Variants in SLC5A12 observed in about 807,000 individuals in gnomAD.
SLC5A12 encodes sodium-coupled monocarboxylate transporter 2.
Under a neutral mutation model 72.7 loss-of-function variants are expected in SLC5A12, and 46 were observed. That is an observed-to-expected ratio of 0.63 (90% confidence interval 0.50 to 0.81). The LOEUF is 0.81. Ranked by LOEUF, SLC5A12 falls within the 30% of genes least tolerant of loss-of-function variation. SLC5A12 has a pLI of 0.00. For missense variants in SLC5A12, 683 were observed against 740.7 expected (o/e 0.92, Z 0.90); for synonymous variants, 275 against 264.4 (o/e 1.04, Z -0.39).
intron 12 of SLC5A12, among the ~76,000 whole-genome samples, chr11:26,679,985 T>C (rs1854353662): frequency 6.6e-6 from 1 of 151,868 alleles, no homozygotes; most frequent in Non-Finnish European, 1.5e-5. Context: ...TTCTGGACTT[T>C]GTAAAGACAA....
Position 26,721,671 on chromosome 11 carries a change from G to C in SLC5A12, c.44C>G (p.Ala15Gly). 1 of 1,614,124 alleles carries C rather than the reference G, an allele frequency of 6.2e-7. No individual in the cohort carries two copies. The highest frequency in any genetic ancestry group is 8.5e-7 in the Non-Finnish European group (1 of 1,180,004). The change falls in exon 1 of 15, where the codon GCA (alanine) becomes GGA (glycine). Residue 15 changes from alanine (A) to glycine (G), a missense_variant. Transcript: ENST00000396005. ...NFAVWDYVVF[A>G]ALFFISSGIG... ...TCCAGAGGAAATGAAAAAGAGGGCT[G>C]CAAATACAACATAATCCCAAACTGC...
chr11:26,705,960 ACACACACAC>A (rs1173082388), intron 4 of SLC5A12, among the ~76,000 whole-genome samples: 1 of 150,234 alleles, frequency 6.7e-6, no homozygotes, highest in Non-Finnish European at 1.5e-5. Context: ...ACACACACAC[ACACACACAC>A]ACACACACAC....
At chr11:26,677,167 T>C (rs1393426950) in intron 13 of SLC5A12, among the ~76,000 whole-genome samples, 1 of 152,182 alleles carries the variant, frequency 6.6e-6, no homozygotes, top group African/African-American at 2.4e-5. Flanking sequence ...CAAAAATTTT[T>C]CCAAATGTTT....
At chr11:26,686,638 AGCCCTTT>A (rs1854542259) in intron 9 of SLC5A12, 94 bp from the exon 10 acceptor site, 1 of 1,108,910 alleles carries the variant, frequency 9.0e-7, no homozygotes, top group East Asian at 2.5e-5. Context: ...CTCTGATCCA[AGCCCTTT>A]GCAAAGGGAT....
chr11:26,670,619 A>G lies in SLC5A12; in HGVS notation c.*483T>C, dbSNP rs6484241. The G allele has an allele frequency of 0.28, 43,132 of 151,998 alleles. 6,304 individuals carry two copies. Among genetic ancestry groups the G allele is most frequent in the East Asian group, 0.47 (2,390 of 5,134 alleles). The allele number at this position is 151,998 out of a possible 1,614,324, so 9.4% of individuals were successfully genotyped here. A position where few individuals can be genotyped will look rare whatever the true frequency, so the allele number is the denominator to read the frequency against. The stretch of plus-strand genomic sequence containing the variant: ...ATGGGAGATGGGTGGCATAAAATAT[A>G]TCTACATGTATGTCAGGTATGAGGT... On this transcript the variant is annotated 3_prime_UTR_variant, in exon 15 of 15. Coordinates refer to ENST00000396005, the MANE Select transcript of SLC5A12 (RefSeq NM_178498.4).
chr11:26,709,861 T>C (rs953847261), intron 3 of SLC5A12, among the ~76,000 whole-genome samples: 6 of 151,712 alleles, frequency 4.0e-5, no homozygotes, highest in African/African-American at 1.2e-4. Flanking sequence ...TGAACAAAAA[T>C]TGAGTTTTAA....
At chr11:26,713,239 C>G (rs539916013) in intron 1 of SLC5A12, among the ~76,000 whole-genome samples, 20 of 152,212 alleles carry the variant, frequency 1.3e-4, no homozygotes, top group Non-Finnish European at 2.4e-4. Flanking sequence ...AAGTGCAGAT[C>G]CCAAGCTTGA....
chr11:26,718,607 T>C (rs1361751701), intron 1 of SLC5A12, among the ~76,000 whole-genome samples: 1 of 150,282 alleles, frequency 6.7e-6, no homozygotes, highest in Admixed American at 6.7e-5. Context: ...TGCGCCACCA[T>C]GCCTGGCTAA....
chr11:26,687,427 T>A (rs1417510050), intron 9 of SLC5A12, among the ~76,000 whole-genome samples: 1 of 152,176 alleles, frequency 6.6e-6, no homozygotes, highest in Non-Finnish European at 1.5e-5. Context: ...CAGCTACATA[T>A]CCAACCCAGT....
At chr11:26,704,887 A>G (rs1051987066) in intron 4 of SLC5A12, among the ~76,000 whole-genome samples, 4 of 152,108 alleles carry the variant, frequency 2.6e-5, no homozygotes, top group African/African-American at 9.7e-5. Context: ...CAAACAAAGA[A>G]CTAGGAAGGA....
intron 12 of SLC5A12, among the ~76,000 whole-genome samples, chr11:26,679,816 A>C (rs1854349468): frequency 1.3e-5 from 2 of 152,174 alleles, no homozygotes; most frequent in Non-Finnish European, 2.9e-5. Context: ...CCATAAGCAC[A>C]TGAATCATTT....
intron 8 of SLC5A12, among the ~76,000 whole-genome samples, chr11:26,696,919 C>A (rs1271478330): frequency 1.3e-5 from 2 of 152,166 alleles, no homozygotes; most frequent in Non-Finnish European, 2.9e-5. Context: ...CCAGCCCCTG[C>A]AGTTTACTAA....
Position 26,669,602 on chromosome 11 carries a change from G to T in SLC5A12, c.*1500C>A, listed in dbSNP as rs1854093064. On this transcript the variant is annotated 3_prime_UTR_variant, in exon 15 of 15. Transcript: ENST00000396005. The stretch of plus-strand genomic sequence containing the variant: ...TTTGAGTGGAGGGAGAGAAGGCAAG[G>T]ATTGGGCTCTGTTTTATAAACTCCA... 6.6e-6 allele frequency: 1 copy of T among 151,812 alleles called. No individual in the cohort carries two copies. Among genetic ancestry groups the T allele is most frequent in the South Asian group, 2.1e-4 (1 of 4,820 alleles). 9.4% of individuals were successfully genotyped at this position (151,812 alleles called of 1,614,324 possible).
At chr11:26,691,463 G>GTT (rs34043474) in intron 9 of SLC5A12, among the ~76,000 whole-genome samples, 10,679 of 150,128 alleles carry the variant, frequency 0.071, 484 homozygotes, top group East Asian at 0.13. Context: ...TTATGTACAT[G>GTT]TTTTTTTTTG....
intron 14 of SLC5A12, among the ~76,000 whole-genome samples, chr11:26,673,155 A>C (rs1260099631): frequency 6.6e-6 from 1 of 152,184 alleles, no homozygotes; most frequent in Non-Finnish European, 1.5e-5. Context: ...CAGGGGTTAA[A>C]ACAGTTTGAA....
chr11:26,721,348 TTAGAG>T, intron 1 of SLC5A12, 23 bp downstream of exon 1: 1 of 1,517,486 alleles, frequency 6.6e-7, no homozygotes, highest in Non-Finnish European at 8.8e-7. Flanking sequence ...GAAAAAAAAA[TTAGAG>T]AAGAATGGAG....
chr11:26,678,734 T>C lies in SLC5A12; in HGVS notation c.1557A>G (p.Gly519=), dbSNP rs1223353114. The part of the protein sequence containing the change: ...AVGCLGCIVA[G]VIISLITGRQ... ...AACCTGTTATGAGGCTGATGATTACTCCAGCAACAATGCATCCTAAGCAGC... is the reference window on the plus strand; with the variant it reads ...AACCTGTTATGAGGCTGATGATTACCCCAGCAACAATGCATCCTAAGCAGC... Residue 519 remains glycine, a synonymous_variant, in exon 13 of 15, where the codon GGA becomes GGG. Coordinates refer to ENST00000396005, the MANE Select transcript of SLC5A12 (RefSeq NM_178498.4). 3 of 1,612,892 alleles carry C rather than the reference T, an allele frequency of 1.9e-6. No individual in the cohort carries two copies. Among genetic ancestry groups the C allele is most frequent in the African/African-American group, 1.3e-5 (1 of 74,802 alleles).
At chr11:26,699,994 T>A (rs1280661716) in intron 6 of SLC5A12, among the ~76,000 whole-genome samples, 1 of 152,218 alleles carries the variant, frequency 6.6e-6, no homozygotes, top group Non-Finnish European at 1.5e-5. Flanking sequence ...CTTTTTAAAA[T>A]ATACCATTGG....
chr11:26,712,514 C>A lies in SLC5A12; in HGVS notation c.405+127G>T, dbSNP rs1855253543. The A allele has an allele frequency of 5.7e-6, 3 of 530,168 alleles. No individual in the cohort carries two copies. The Middle Eastern group carries it at 9.6e-4, about 170-fold the overall frequency. 32.8% of individuals were successfully genotyped at this position (530,168 alleles called of 1,614,324 possible). On this transcript the variant is annotated intron_variant, in intron 2 of 14. Coordinates refer to ENST00000396005, the MANE Select transcript of SLC5A12 (RefSeq NM_178498.4). Reference sequence around the variant, plus strand: ...TTTTAGTACATATTAAAAGTGCTATCTTTGGAAGAAAGTAGCGTCTTCTTA... The same window carrying A: ...TTTTAGTACATATTAAAAGTGCTATATTTGGAAGAAAGTAGCGTCTTCTTA...
Sources: allele counts gnomAD v4.1 joint callset (sites outside exome capture counted in the v4.1 genomes callset), GRCh38; gene constraint gnomAD v4.1.1; transcripts MANE v1.5; gene names NCBI Gene and HGNC (gene_info 2026-07-23, HGNC 2026-07-21).